Variants in ZFHX3 observed in about 807,000 individuals in gnomAD.
ZFHX3 encodes the protein zinc finger homeobox protein 3.
A neutral mutation model predicts 279.1 loss-of-function variants in ZFHX3; 42 were observed. That is an observed-to-expected ratio of 0.15 (90% CI 0.12 to 0.19). ZFHX3 has a LOEUF of 0.19. Ranked by LOEUF, ZFHX3 falls within the 10% of genes least tolerant of loss-of-function variation. The probability of loss-of-function intolerance (pLI) is 1.00; values close to 1 mark genes in which losing one functional copy is unlikely to be tolerated. For synonymous variants in ZFHX3, 2,293 were observed against 1,957.8 expected (o/e 1.17, Z -4.52); for missense variants, 4,981 against 4,754.0 (o/e 1.05, Z -1.40).
intron 7 of ZFHX3, among the ~76,000 whole-genome samples, chr16:72,808,957 TC>T (rs1254488718): frequency 2.6e-5 from 4 of 152,220 alleles, no homozygotes; most frequent in African/African-American, 9.6e-5. Flanking sequence ...AATCACTGCT[TC>T]CAAAGGTGCT....
At chr16:73,319,858 C>T (rs1389899299) in intron 3 of ZFHX3, among the ~76,000 whole-genome samples, 1 of 152,188 alleles carries the variant, frequency 6.6e-6, no homozygotes, top group Non-Finnish European at 1.5e-5. Flanking sequence ...AGAGAAAGGT[C>T]CAGTCCTCAG....
intron 5 of ZFHX3, among the ~76,000 whole-genome samples, chr16:73,180,078 C>A (rs971578200): frequency 6.6e-6 from 1 of 152,170 alleles, no homozygotes; most frequent in Admixed American, 6.5e-5. Context: ...CAGACTCCTA[C>A]GGGAAACTGT....
chr16:72,881,270 A>G (rs2038461997), intron 4 of ZFHX3, among the ~76,000 whole-genome samples: 1 of 152,256 alleles, frequency 6.6e-6, no homozygotes, highest in Admixed American at 6.5e-5. Context: ...GCATTAACAG[A>G]GAATTTTGAG....
intron 2 of ZFHX3, chr16:73,608,902 T>A (rs778017053): frequency 3.3e-5 from 5 of 152,212 alleles, no homozygotes; most frequent in African/African-American, 7.2e-5. Context: ...TACCACTGAG[T>A]TATTAGCATT....
chr16:73,890,015 G>A (rs1829049180), intron 1 of ZFHX3, among the ~76,000 whole-genome samples: 1 of 151,956 alleles, frequency 6.6e-6, no homozygotes, highest in Non-Finnish European at 1.5e-5. Flanking sequence ...TATATCATCA[G>A]GGTTATTGCA....
chr16:73,213,795 T>G (rs1230193657), intron 5 of ZFHX3, among the ~76,000 whole-genome samples: 5 of 152,148 alleles, frequency 3.3e-5, no homozygotes, highest in Admixed American at 2.0e-4. Flanking sequence ...CCGGGTCCCA[T>G]TTTTGCTCCA....
chr16:73,375,574 A>G (rs145676351), intron 3 of ZFHX3, among the ~76,000 whole-genome samples: 1 of 152,336 alleles, frequency 6.6e-6, no homozygotes, highest in East Asian at 1.9e-4. Context: ...AGGCATTTAG[A>G]GATATTTAAG....
At chr16:73,859,174 G>A (rs4888917) in intron 1 of ZFHX3, among the ~76,000 whole-genome samples, 40,968 of 152,080 alleles carry the variant, frequency 0.27, 6,621 homozygotes, top group Non-Finnish European at 0.36. Context: ...GAGGACTGAT[G>A]TCCCCAGTTG....
At chr16:73,314,796 C>G (rs1385740263) in intron 4 of ZFHX3, among the ~76,000 whole-genome samples, 1 of 152,234 alleles carries the variant, frequency 6.6e-6, no homozygotes, top group Non-Finnish European at 1.5e-5. Flanking sequence ...AACAACTTTT[C>G]TTCCTCCTGG....
intron 1 of ZFHX3, among the ~76,000 whole-genome samples, chr16:73,757,263 G>A (rs9940577): frequency 0.013 from 2,034 of 152,226 alleles, 49 homozygotes; most frequent in African/African-American, 0.046. Flanking sequence ...CAGGAATTCC[G>A]TGGGGTCCCT....
chr16:73,019,381 C>T (rs886052), intron 1 of ZFHX3, among the ~76,000 whole-genome samples: 149,902 of 152,024 alleles, frequency 0.99, 73,893 homozygotes, highest in African/African-American at 1. Context: ...TGTGCGTGTG[C>T]GTGTCTGCAC....
intron 5 of ZFHX3, among the ~76,000 whole-genome samples, chr16:73,160,006 G>A (rs759045790): frequency 9.9e-5 from 15 of 152,218 alleles, no homozygotes; most frequent in East Asian, 7.8e-4. Flanking sequence ...CAAGTGGTCC[G>A]CCTGTCTTGG....
intron 1 of ZFHX3, among the ~76,000 whole-genome samples, chr16:73,701,545 A>ATT (rs1033215859): frequency 3.9e-5 from 6 of 152,134 alleles, no homozygotes; most frequent in Admixed American, 6.5e-5. Flanking sequence ...TTCCAGAATA[A>ATT]TTTTTCTTTT....
intron 7 of ZFHX3, among the ~76,000 whole-genome samples, chr16:73,103,516 C>T (rs1966257189): frequency 6.6e-6 from 1 of 152,220 alleles, no homozygotes; most frequent in South Asian, 2.1e-4. Flanking sequence ...ATTTCCATAG[C>T]TCTCTGAACC....
chr16:73,637,297 T>C (rs180904309), intron 2 of ZFHX3, among the ~76,000 whole-genome samples: 7 of 150,352 alleles, frequency 4.7e-5, no homozygotes, highest in Admixed American at 4.0e-4. Flanking sequence ...AACGGGGTGA[T>C]CTTGGCTCAC....
intron 8 of ZFHX3, among the ~76,000 whole-genome samples, chr16:73,064,805 A>G (rs1412400440): frequency 1.3e-5 from 2 of 152,142 alleles, no homozygotes; most frequent in Non-Finnish European, 2.9e-5. Context: ...TGCAATGGAA[A>G]TCTGAAATCC....
rs531311774 is a variant in ZFHX3, at chr16:73,088,645, G to A, written c.-533+4590C>T. On this transcript the variant is annotated intron_variant, in intron 8 of 17. Transcript: ENST00000641206. ...AAGTTTTTGGGGATCAGGTAGGTACGGCAGGTCACAGTAGGTAGTGAGGGC... is the reference window on the plus strand; with the variant it reads ...AAGTTTTTGGGGATCAGGTAGGTACAGCAGGTCACAGTAGGTAGTGAGGGC... Among the ~76,000 whole-genome samples the A allele has an allele frequency of 7.9e-5, 12 of 152,288 alleles. No individual in the cohort carries two copies. The South Asian group carries it at 2.3e-3, about 29-fold the overall frequency.
intron 7 of ZFHX3, among the ~76,000 whole-genome samples, chr16:73,103,983 C>A (rs562420421): frequency 9.8e-5 from 15 of 152,326 alleles, no homozygotes; most frequent in African/African-American, 3.6e-4. Flanking sequence ...GTCTATCTCC[C>A]AGTCTCACGG....
At chr16:73,300,409 A>G (rs967282957) in intron 4 of ZFHX3, among the ~76,000 whole-genome samples, 1 of 152,202 alleles carries the variant, frequency 6.6e-6, no homozygotes, top group Non-Finnish European at 1.5e-5. Context: ...TACCTAGAGG[A>G]CACTGAGGCA....
Sources: gnomAD v4.1 joint callset for allele counts (sites outside exome capture counted in the v4.1 genomes callset) on GRCh38, gnomAD v4.1.1 for gene constraint, MANE v1.5 for transcripts, NCBI Gene and HGNC (gene_info 2026-07-23, HGNC 2026-07-21) for gene names.